Variants in MBD5 observed in about 807,000 individuals in gnomAD.
The protein encoded by MBD5 is methyl-CpG binding domain protein 5.
Under a neutral mutation model 117.3 loss-of-function variants are expected in MBD5, and 13 were observed. That is an observed-to-expected ratio of 0.11 (90% confidence interval 0.07 to 0.18). MBD5 has a LOEUF of 0.18. Among genes scored for constraint, MBD5 ranks in the 10% least tolerant of loss-of-function variants. The probability of loss-of-function intolerance (pLI) is 1.00; values close to 1 mark genes in which losing one functional copy is unlikely to be tolerated. For missense variants in MBD5, 1,879 were observed against 2,093.8 expected, an observed-to-expected ratio of 0.90 and a Z score of 2.00; for synonymous variants, 727 against 766.4, an observed-to-expected ratio of 0.95 and a Z score of 0.85.
chr2:148,154,227 G>C (rs1252460096), intron 1 of MBD5, among the ~76,000 whole-genome samples: 2 of 151,902 alleles, frequency 1.3e-5, no homozygotes, highest in Admixed American at 1.3e-4. Flanking sequence ...CCCTGCTGGG[G>C]GGTGCCTCCC....
intron 4 of MBD5, among the ~76,000 whole-genome samples, chr2:148,401,297 G>A (rs1198884080): frequency 6.6e-6 from 1 of 151,928 alleles, no homozygotes. Flanking sequence ...GAGTTCAGCA[G>A]CACGGTTTAA....
chr2:148,497,218 CACTT>C (rs1311156785), intron 11 of MBD5, among the ~76,000 whole-genome samples: 5 of 151,862 alleles, frequency 3.3e-5, no homozygotes, highest in Non-Finnish European at 5.9e-5. Flanking sequence ...TTAAATTTAT[CACTT>C]AATTGATTCA....
chr2:148,334,943 T>A (rs753822953), intron 3 of MBD5, among the ~76,000 whole-genome samples: 1 of 152,204 alleles, frequency 6.6e-6, no homozygotes, highest in Non-Finnish European at 1.5e-5. Flanking sequence ...AATGCTTATA[T>A]ATTTAAATGC....
At chr2:148,094,009 T>A (rs1412504632) in intron 1 of MBD5, among the ~76,000 whole-genome samples, 5 of 152,186 alleles carry the variant, frequency 3.3e-5, no homozygotes, top group Non-Finnish European at 1.5e-5. Context: ...TGTGTTCTCT[T>A]TTATAGATAA....
intron 3 of MBD5, among the ~76,000 whole-genome samples, chr2:148,245,024 G>A (rs2106212308): frequency 6.6e-6 from 1 of 152,234 alleles, no homozygotes; most frequent in African/African-American, 2.4e-5. Context: ...GAGGGCCTAC[G>A]TACAAATGAA....
chr2:148,096,016 A>G (rs1696060754), intron 1 of MBD5, among the ~76,000 whole-genome samples: 1 of 152,198 alleles, frequency 6.6e-6, no homozygotes, highest in Admixed American at 6.5e-5. Flanking sequence ...TTGTATAATC[A>G]ATGTAATATT....
intron 1 of MBD5, among the ~76,000 whole-genome samples, chr2:148,057,316 A>C (rs1199411707): frequency 6.6e-6 from 1 of 151,780 alleles, no homozygotes; most frequent in Admixed American, 6.6e-5. Flanking sequence ...ATTAATTTTC[A>C]GCCTTTTATC....
At chr2:148,137,816 G>A (rs1016333875) in intron 1 of MBD5, among the ~76,000 whole-genome samples, 1 of 152,130 alleles carries the variant, frequency 6.6e-6, no homozygotes, top group Non-Finnish European at 1.5e-5. Flanking sequence ...ACTTACCATT[G>A]TGTTAAAATT....
chr2:148,196,495 G>T (rs934053051), intron 2 of MBD5, among the ~76,000 whole-genome samples: 28 of 152,114 alleles, frequency 1.8e-4, no homozygotes, highest in Admixed American at 1.8e-3. Context: ...GGTATTAAAA[G>T]AATCAATCTC....
intron 1 of MBD5, among the ~76,000 whole-genome samples, chr2:148,052,550 C>T (rs1694743308): frequency 6.6e-6 from 1 of 151,682 alleles, no homozygotes; most frequent in African/African-American, 2.4e-5. Context: ...TATAAATTTC[C>T]CTCTTAGCAC....
intron 3 of MBD5, among the ~76,000 whole-genome samples, chr2:148,329,796 A>G (rs1207544384): frequency 1.3e-5 from 2 of 152,176 alleles, no homozygotes; most frequent in South Asian, 2.1e-4. Context: ...AAGACTTTTA[A>G]CAGGGTACTT....
chr2:148,347,944 A>G (rs929148522), intron 4 of MBD5, among the ~76,000 whole-genome samples: 1 of 151,938 alleles, frequency 6.6e-6, no homozygotes. Context: ...TCAGGTTTCA[A>G]TGAAAATGCC....
At chr2:148,107,627 T>G (rs1696404027) in intron 1 of MBD5, among the ~76,000 whole-genome samples, 4 of 152,074 alleles carry the variant, frequency 2.6e-5, no homozygotes, top group African/African-American at 9.6e-5. Context: ...ACTTATTCAT[T>G]GACTTTTTTG....
chr2:148,306,082 G>C (rs754171492), intron 3 of MBD5, among the ~76,000 whole-genome samples: 3 of 152,158 alleles, frequency 2.0e-5, no homozygotes, highest in African/African-American at 7.2e-5. Flanking sequence ...AGGAATCTCA[G>C]ATTAAACTTT....
chr2:148,364,374 C>T (rs1208010252), intron 4 of MBD5, among the ~76,000 whole-genome samples: 6 of 152,146 alleles, frequency 3.9e-5, no homozygotes, highest in Admixed American at 3.9e-4. Context: ...AAACTGGTAC[C>T]AGCCACTGCA....
chr2:148,380,670 C>G (rs1183651703), intron 4 of MBD5, among the ~76,000 whole-genome samples: 1 of 152,164 alleles, frequency 6.6e-6, no homozygotes, highest in African/African-American at 2.4e-5. Context: ...GGCAGACTGC[C>G]TCCTCAAGTG....
intron 4 of MBD5, among the ~76,000 whole-genome samples, chr2:148,392,146 T>G (rs185178879): frequency 1.5e-3 from 232 of 152,336 alleles, no homozygotes; most frequent in African/African-American, 5.4e-3. Context: ...AAGTTCATAT[T>G]AGACTATGGT....
rs1553516216 is a variant in MBD5, at chr2:148,446,602, C to CTATGTGTGTGTGTGTGTG, written c.-556-11600_-556-11599insATGTGTGTGTGTGTGTGT. On this transcript the variant is annotated intron_variant, in intron 4 of 13. Coordinates refer to ENST00000642680, the MANE Select transcript of MBD5 (RefSeq NM_001378120.1). ...TTAATTTACATACCAGATTATTTAT[C>CTATGTGTGTGTGTGTGTG]TGTGTGTGTGTGTGTGTGTGTGTGT... is the stretch of plus-strand genomic sequence containing the variant. 1.7e-3 allele frequency among the ~76,000 whole-genome samples: 249 copies of CTATGTGTGTGTGTGTGTG among 148,890 alleles called. 1 individual carries two copies. The highest frequency in any genetic ancestry group is 6.9e-3 in the Middle Eastern group (2 of 290).
intron 3 of MBD5, among the ~76,000 whole-genome samples, chr2:148,329,700 G>A (rs1025396571): frequency 3.9e-5 from 6 of 152,070 alleles, no homozygotes; most frequent in South Asian, 2.1e-4. Flanking sequence ...TACTGTCAGA[G>A]GCATAACCTG....
Sources: gnomAD v4.1 joint callset for allele counts (sites outside exome capture counted in the v4.1 genomes callset) on GRCh38, gnomAD v4.1.1 for gene constraint, MANE v1.5 for transcripts, NCBI Gene and HGNC (gene_info 2026-07-23, HGNC 2026-07-21) for gene names.